Variants in ZBTB25 observed in about 807,000 individuals in gnomAD.
The protein encoded by ZBTB25 is zinc finger and BTB domain containing 25, also known as zinc finger and BTB domain-containing protein 25.
Under a neutral mutation model 34.2 loss-of-function variants are expected in ZBTB25, and 20 were observed. The observed-to-expected ratio is 0.58, with a 90% CI of 0.41 to 0.85. The LOEUF is 0.85. Ranked by LOEUF, ZBTB25 falls within the 40% of genes least tolerant of loss-of-function variation. ZBTB25 has a pLI of 0.00. For synonymous variants in ZBTB25, 175 were observed against 186.4 expected, an observed-to-expected ratio of 0.94 and a Z score of 0.50; for missense variants, 437 against 521.8, an observed-to-expected ratio of 0.84 and a Z score of 1.58.
At chr14:64,499,565 T>C in intron 1 of ZBTB25, 1 of 115,206 alleles carries the variant, frequency 8.7e-6, no homozygotes, top group Non-Finnish European at 1.8e-5. Flanking sequence ...AAACTCCATC[T>C]CAAAAAAAAA....
At chr14:64,455,423 G>C (rs1193731833) in intron 2 of ZBTB25, among the ~76,000 whole-genome samples, 1 of 152,138 alleles carries the variant, frequency 6.6e-6, no homozygotes, top group Non-Finnish European at 1.5e-5. Flanking sequence ...GGTGTCCATT[G>C]CTTTCTTATC....
intron 2 of ZBTB25, chr14:64,460,038 C>A: frequency 1.1e-6 from 1 of 927,936 alleles, no homozygotes; most frequent in South Asian, 1.7e-5. Context: ...ACAGCCTTAA[C>A]AGACTGTGCC....
chr14:64,456,642 G>GT (rs1411134725), intron 2 of ZBTB25, among the ~76,000 whole-genome samples: 1 of 152,046 alleles, frequency 6.6e-6, no homozygotes, highest in Non-Finnish European at 1.5e-5. Flanking sequence ...TCATCTTCCG[G>GT]TTTTTCTGCT....
At chr14:64,503,353 C>T (rs1264568169) in intron 1 of ZBTB25, 1 of 984,586 alleles carries the variant, frequency 1.0e-6, no homozygotes, top group African/African-American at 1.7e-5. Flanking sequence ...GGGGGTCGCA[C>T]CCGGACCCGC....
chr14:64,475,801 A>G (rs1032222964), downstream of ZBTB25, among the ~76,000 whole-genome samples: 1 of 152,152 alleles, frequency 6.6e-6, no homozygotes, highest in African/African-American at 2.4e-5. Context: ...CCCAGCCTTA[A>G]AACTGTCTCC....
At chr14:64,462,242 C>A (rs2078563614) in intron 2 of ZBTB25, 3 of 150,936 alleles carry the variant, frequency 2.0e-5, no homozygotes, top group African/African-American at 7.3e-5. Context: ...ACAAGACAGA[C>A]CCCATCTCTA....
chr14:64,494,709 G>A (rs1464160020), intron 1 of ZBTB25, among the ~76,000 whole-genome samples: 1 of 152,168 alleles, frequency 6.6e-6, no homozygotes, highest in Non-Finnish European at 1.5e-5. Flanking sequence ...GGACATTAAG[G>A]AAGCTGCAGA....
intron 1 of ZBTB25, among the ~76,000 whole-genome samples, chr14:64,500,923 C>T (rs1262144708): frequency 6.6e-6 from 1 of 152,148 alleles, no homozygotes; most frequent in African/African-American, 2.4e-5. Context: ...TGGTGGCAGG[C>T]GCCTGTAATC....
At chr14:64,465,663 A>G (rs1197868606) in intron 2 of ZBTB25, 2 of 152,104 alleles carry the variant, frequency 1.3e-5, no homozygotes, top group Admixed American at 1.3e-4. Flanking sequence ...GTCGGGGGCA[A>G]TGTCCGGTCC....
intron 1 of ZBTB25, among the ~76,000 whole-genome samples, chr14:64,500,060 T>C (rs1021412229): frequency 6.6e-6 from 1 of 151,876 alleles, no homozygotes; most frequent in African/African-American, 2.4e-5. Flanking sequence ...AAATTGTTAA[T>C]AGACCTTTAA....
intron 1 of ZBTB25, among the ~76,000 whole-genome samples, chr14:64,492,989 G>A (rs1033078658): frequency 6.6e-6 from 1 of 152,000 alleles, no homozygotes; most frequent in African/African-American, 2.4e-5. Flanking sequence ...GATAAACACA[G>A]GCAACTTGAT....
chr14:64,492,931 A>G (rs184669439), intron 1 of ZBTB25, among the ~76,000 whole-genome samples: 1 of 152,336 alleles, frequency 6.6e-6, no homozygotes, highest in African/African-American at 2.4e-5. Context: ...ATATGAAATA[A>G]ATGCATTCAG....
At chr14:64,468,725 G>A in intron 2 of ZBTB25, 1 of 1,614,190 alleles carries the variant, frequency 6.2e-7, no homozygotes, top group Non-Finnish European at 8.5e-7. Context: ...TGCAATAAAT[G>A]CTGAGGATGC....
At chr14:64,459,401 G>A (rs1248510665) in intron 2 of ZBTB25, among the ~76,000 whole-genome samples, 1 of 152,152 alleles carries the variant, frequency 6.6e-6, no homozygotes, top group Non-Finnish European at 1.5e-5. Context: ...GGATATCAAA[G>A]GGTCATAGTA....
chr14:64,498,977 C>G (rs141431260), intron 1 of ZBTB25, among the ~76,000 whole-genome samples: 1 of 152,312 alleles, frequency 6.6e-6, no homozygotes, highest in East Asian at 1.9e-4. Flanking sequence ...TCTAACGTGA[C>G]TGCTCAGTTA....
intron 1 of ZBTB25, among the ~76,000 whole-genome samples, chr14:64,493,128 T>C (rs1980520): frequency 0.23 from 34,851 of 151,986 alleles, 4,600 homozygotes; most frequent in Non-Finnish European, 0.31. Flanking sequence ...ATGTGGTCAG[T>C]TCAAAAAGCA....
At chr14:64,489,194 G>C (rs952869745) in intron 2 of ZBTB25, among the ~76,000 whole-genome samples, 2 of 152,094 alleles carry the variant, frequency 1.3e-5, no homozygotes. Context: ...GTTGCAGTGA[G>C]CTGAGATCAT....
At chr14:64,469,099 G>A (rs767093043) in intron 2 of ZBTB25, 2 of 1,613,872 alleles carry the variant, frequency 1.2e-6, no homozygotes, top group South Asian at 1.1e-5. Flanking sequence ...AAATTGAAAC[G>A]ATCAAGGAAA....
intron 1 of ZBTB25, among the ~76,000 whole-genome samples, chr14:64,495,696 C>A (rs759342851): frequency 1.3e-5 from 2 of 152,224 alleles, no homozygotes; most frequent in Non-Finnish European, 2.9e-5. Flanking sequence ...GTGGCTCATG[C>A]CTGTAATCCC....
Sources: allele counts gnomAD v4.1 joint callset (sites outside exome capture counted in the v4.1 genomes callset), GRCh38; gene constraint gnomAD v4.1.1; transcripts MANE v1.5; gene names NCBI Gene and HGNC (gene_info 2026-07-23, HGNC 2026-07-21).